E2F3: variants seen among roughly 807,000 people sequenced by gnomAD.
E2F3 encodes transcription factor E2F3.
In E2F3, 11 loss-of-function variants were observed where a neutral mutation model predicts 44.4. The observed-to-expected ratio is 0.25, with a 90% CI of 0.16 to 0.41. The LOEUF (loss-of-function observed/expected upper bound fraction) is 0.41, where lower values mean the gene tolerates loss of function less well. Ranked by LOEUF, E2F3 falls within the 10% of genes least tolerant of loss-of-function variation. The pLI is 1.00. For missense variants in E2F3, 487 were observed against 583.6 expected (o/e 0.83, Z 1.70); for synonymous variants, 249 against 253.0 (o/e 0.98, Z 0.15).
chr6:20,477,478 G>A (rs953463851), intron 1 of E2F3, among the ~76,000 whole-genome samples: 21 of 152,104 alleles, frequency 1.4e-4, no homozygotes, highest in African/African-American at 3.9e-4. Context: ...GAAATAGGCC[G>A]TGCTGGGCAG....
chr6:20,450,055 A>G (rs1195037290), intron 1 of E2F3, among the ~76,000 whole-genome samples: 2 of 152,116 alleles, frequency 1.3e-5, no homozygotes, highest in Admixed American at 6.5e-5. Flanking sequence ...TGTCTTTGCT[A>G]TTGTGAATAG....
At chr6:20,463,891 T>A (rs1004756289) in intron 1 of E2F3, among the ~76,000 whole-genome samples, 6 of 152,212 alleles carry the variant, frequency 3.9e-5, no homozygotes, top group African/African-American at 1.4e-4. Context: ...CTTACCTGTT[T>A]TTTTCTGACT....
intron 1 of E2F3, among the ~76,000 whole-genome samples, chr6:20,452,991 TTTTG>T (rs138463851): frequency 0.86 from 129,419 of 151,078 alleles, 55,951 homozygotes; most frequent in Non-Finnish European, 0.91. Flanking sequence ...GTTTCTTTCT[TTTTG>T]TTTGTTTGTT....
chr6:20,447,106 G>T (rs150346630), intron 1 of E2F3, among the ~76,000 whole-genome samples: 1 of 152,220 alleles, frequency 6.6e-6, no homozygotes, highest in African/African-American at 2.4e-5. Context: ...CTTGCATCTT[G>T]TCAGGGAAAA....
chr6:20,445,091 T>C (rs563077273), intron 1 of E2F3: 1 of 985,438 alleles, frequency 1.0e-6, no homozygotes, highest in Non-Finnish European at 1.2e-6. Context: ...TCAGTCGGGC[T>C]GGAGAGTCGA....
chr6:20,488,023 GT>G, intron 5 of E2F3, 89 bp from the exon 6 acceptor site: 1 of 1,561,666 alleles, frequency 6.4e-7, no homozygotes, highest in Non-Finnish European at 8.7e-7. Context: ...AACGAACATT[GT>G]TCTTACTTTC....
intron 1 of E2F3, among the ~76,000 whole-genome samples, chr6:20,475,153 T>C (rs964858147): frequency 6.6e-6 from 1 of 152,248 alleles, no homozygotes; most frequent in African/African-American, 2.4e-5. Flanking sequence ...CTAGACTTAG[T>C]GATTCTTTCG....
At chr6:20,479,723 G>A (rs1762159679) in intron 1 of E2F3, 123 bp from the exon 2 acceptor site, 5 of 733,104 alleles carry the variant, frequency 6.8e-6, no homozygotes, top group South Asian at 1.8e-5. Context: ...GCTGAGTGGG[G>A]TGGAGCAGAG....
At position 20,414,570 on chromosome 6, in the gene E2F3, G is replaced by A. The variant is rs144757394; in HGVS notation, c.393+11945G>A. On this transcript the variant is annotated intron_variant, in intron 1 of 6. Transcript: ENST00000346618. ...ATACTCCTGTCTAGGAAAGAGCCGTGTAAATTCTAAGTATCTCTATAATTG... is the reference window on the plus strand; with the variant it reads ...ATACTCCTGTCTAGGAAAGAGCCGTATAAATTCTAAGTATCTCTATAATTG... Among the ~76,000 whole-genome samples the A allele has an allele frequency of 5.0e-3, 768 of 152,208 alleles. 14 individuals are homozygous for A. Among genetic ancestry groups the A allele is most frequent in the Non-Finnish European group, 3.0e-3 (202 of 68,016 alleles).
intron 1 of E2F3, among the ~76,000 whole-genome samples, chr6:20,425,708 T>G (rs893745529): frequency 1.3e-5 from 2 of 152,186 alleles, no homozygotes; most frequent in African/African-American, 4.8e-5. Context: ...CCTTCTACCT[T>G]TTAGAAGAAA....
At position 20,434,566 on chromosome 6, in the gene E2F3, T is replaced by C. The variant is rs192040374; in HGVS notation, c.393+31941T>C. 4.7e-4 allele frequency among the ~76,000 whole-genome samples: 72 copies of C among 152,292 alleles called. No individual in the cohort carries two copies. The East Asian group carries it at 9.5e-3, about 20-fold the overall frequency. Reference sequence around the variant, plus strand: ...GAAAGCTCTAAATGTATCAGTGGATTTTTCATTATTTCCAAAAATATTCTG... The same window carrying C: ...GAAAGCTCTAAATGTATCAGTGGATCTTTCATTATTTCCAAAAATATTCTG... On this transcript the variant is annotated intron_variant, in intron 1 of 6. Coordinates refer to ENST00000346618, the MANE Select transcript of E2F3 (RefSeq NM_001949.5).
chr6:20,403,850 C>T, intron 1 of E2F3: 1 of 1,443,764 alleles, frequency 6.9e-7, no homozygotes, highest in Non-Finnish European at 9.2e-7. Context: ...ACCGGGACGG[C>T]TCGGGGGCCG....
At chr6:20,413,024 G>A (rs1326132774) in intron 1 of E2F3, among the ~76,000 whole-genome samples, 1 of 152,110 alleles carries the variant, frequency 6.6e-6, no homozygotes, top group Non-Finnish European at 1.5e-5. Flanking sequence ...GTTCTACACA[G>A]GGAAGCAGAC....
rs1762273243 is a variant in E2F3, at chr6:20,482,742, GTC to G, written c.726-18_726-17del. On this transcript the variant is annotated intron_variant, in intron 3 of 6. Coordinates refer to ENST00000346618, the MANE Select transcript of E2F3 (RefSeq NM_001949.5). ...TCCCTCCCATGAGTAGCCATGAAGA[GTC>G]TGTGTTTGGGTTTCTAGGGGCTGCA... is the stretch of plus-strand genomic sequence containing the variant. 1 of 1,578,840 alleles carries G rather than the reference GTC, an allele frequency of 6.3e-7. No individual in the cohort carries two copies. Among genetic ancestry groups the G allele is most frequent in the Non-Finnish European group, 8.6e-7 (1 of 1,163,472 alleles).
chr6:20,463,102 G>C lies in E2F3; in HGVS notation c.394-16744G>C, dbSNP rs11966147. ...CAGACTTGGCTAATTTTTTTATTTT[G>C]GTAGAGACCGGGTCTTGCTGTTGCC... On this transcript the variant is annotated intron_variant, in intron 1 of 6. Transcript: ENST00000346618. Among the ~76,000 whole-genome samples, 1,134 of 151,474 alleles carry C rather than the reference G, an allele frequency of 7.5e-3. 16 individuals are homozygous for C. The highest frequency in any genetic ancestry group is 0.026 in the African/African-American group (1,053 of 41,266).
At chr6:20,403,787 T>G in intron 1 of E2F3, 1 of 1,430,332 alleles carries the variant, frequency 7.0e-7, no homozygotes, top group Admixed American at 2.3e-5. Flanking sequence ...GCCCCCCACC[T>G]CCCCCCGGAG....
At chr6:20,461,160 C>CA (rs1308474526) in intron 1 of E2F3, among the ~76,000 whole-genome samples, 5 of 151,876 alleles carry the variant, frequency 3.3e-5, no homozygotes, top group African/African-American at 1.2e-4. Context: ...ATTTCAGATG[C>CA]AAAAGATAGA....
intron 1 of E2F3, among the ~76,000 whole-genome samples, chr6:20,449,073 C>G (rs778940470): frequency 2.6e-5 from 4 of 152,128 alleles, no homozygotes; most frequent in Non-Finnish European, 4.4e-5. Context: ...TTGCTTGACT[C>G]GTATTTACTA....
intron 4 of E2F3, among the ~76,000 whole-genome samples, chr6:20,486,152 T>C (rs1390570512): frequency 1.3e-5 from 2 of 152,248 alleles, no homozygotes; most frequent in African/African-American, 4.8e-5. Flanking sequence ...ATATTTTAAA[T>C]AGCCATAGTC....
Sources: gnomAD v4.1 joint callset for allele counts (sites outside exome capture counted in the v4.1 genomes callset) on GRCh38, gnomAD v4.1.1 for gene constraint, MANE v1.5 for transcripts, NCBI Gene and HGNC (gene_info 2026-07-23, HGNC 2026-07-21) for gene names.